The following SMARCA5 variants were observed in gnomAD, a reference collection of about 807,000 sequenced individuals.
SMARCA5 encodes SNF2 related chromatin remodeling ATPase 5.
Under a neutral mutation model 140.4 loss-of-function variants are expected in SMARCA5, and 18 were observed. The ratio of observed to expected loss-of-function variants is 0.13; its 90% CI spans 0.09 to 0.19. The LOEUF is 0.19. SMARCA5 is among the 10% of genes least tolerant of loss of function. The pLI is 1.00. For missense variants in SMARCA5, 606 were observed against 1,276.8 expected (o/e 0.47, Z 8.01); for synonymous variants, 449 against 419.6 (o/e 1.07, Z -0.86).
At chr4:143,518,090 A>G (rs530258496) in intron 2 of SMARCA5, among the ~76,000 whole-genome samples, 1 of 152,212 alleles carries the variant, frequency 6.6e-6, no homozygotes, top group South Asian at 2.1e-4. Flanking sequence ...CTAGCATTGT[A>G]CTCTGCTAGT....
Position 143,553,361 on chromosome 4 carries a change from C to G in SMARCA5, c.*177C>G, listed in dbSNP as rs1307481871. 1 of 495,384 alleles carries G rather than the reference C, an allele frequency of 2.0e-6. No individual in the cohort carries two copies. Among genetic ancestry groups the G allele is most frequent in the East Asian group, 3.1e-5 (1 of 32,328 alleles). 30.7% of individuals were successfully genotyped at this position (495,384 alleles called of 1,614,324 possible). On this transcript the variant is annotated 3_prime_UTR_variant, in exon 24 of 24. Transcript: ENST00000283131. The stretch of plus-strand genomic sequence containing the variant: ...CACTTTTTTAAATGCAACAGCTGTG[C>G]TGAAATTTTTTTATCATTAACACTT...
rs756931495 is a variant in SMARCA5, at chr4:143,513,874, C to T, written c.-51C>T. On this transcript the variant is annotated 5_prime_UTR_variant, in exon 1 of 24. Coordinates refer to ENST00000283131, the MANE Select transcript of SMARCA5 (RefSeq NM_003601.4). ...TCCAGGCCTAGGCCTCCCCGTCCAT[C>T]CCCGCCGGACTCGGGCCTCTGGCAG... 16 of 1,524,464 alleles carry T rather than the reference C, an allele frequency of 1.0e-5. No individual in the cohort carries two copies. Among genetic ancestry groups the T allele is most frequent in the Non-Finnish European group, 1.4e-5 (16 of 1,140,682 alleles). The allele number at this position is 1,524,464 out of a possible 1,614,324, so 94.4% of individuals were successfully genotyped here.
chr4:143,552,688 C>T (rs1578807927), intron 23 of SMARCA5, among the ~76,000 whole-genome samples: 1 of 151,906 alleles, frequency 6.6e-6, no homozygotes, highest in East Asian at 1.9e-4. Flanking sequence ...TGAAGGCAAA[C>T]ACTTAAAGGG....
At chr4:143,545,047 A>G (rs1190208706) in intron 17 of SMARCA5, among the ~76,000 whole-genome samples, 200 bp downstream of exon 17, 1 of 150,610 alleles carries the variant, frequency 6.6e-6, no homozygotes, top group Non-Finnish European at 1.5e-5. Context: ...GGTTCAAGCA[A>G]TTCTCCTGCC....
At chr4:143,549,182 A>G (rs1737590894) in intron 22 of SMARCA5, among the ~76,000 whole-genome samples, 2 of 152,082 alleles carry the variant, frequency 1.3e-5, no homozygotes, top group Non-Finnish European at 2.9e-5. Flanking sequence ...GTTACTTCTT[A>G]ACATGTTCCA....
At chr4:143,520,949 T>G (rs1736944970) in intron 2 of SMARCA5, among the ~76,000 whole-genome samples, 1 of 152,234 alleles carries the variant, frequency 6.6e-6, no homozygotes, top group African/African-American at 2.4e-5. Flanking sequence ...GAGCACTGCA[T>G]TTTTTCCAGC....
At chr4:143,549,926 C>G in intron 22 of SMARCA5, 71 bp from the exon 23 acceptor site, 3 of 776,556 alleles carry the variant, frequency 3.9e-6, no homozygotes, top group Non-Finnish European at 6.4e-6. Flanking sequence ...TTAAAACATA[C>G]CTTGTTTTAA....
chr4:143,513,830 A>G lies in SMARCA5; in HGVS notation c.-95A>G, dbSNP rs1039286719. The G allele has an allele frequency of 2.9e-6, 4 of 1,377,776 alleles. No individual in the cohort carries two copies. Among genetic ancestry groups the G allele is most frequent in the Non-Finnish European group, 3.9e-6 (4 of 1,026,002 alleles). The allele number at this position is 1,377,776 out of a possible 1,614,324, so 85.3% of individuals were successfully genotyped here. A position where few individuals can be genotyped will look rare whatever the true frequency, so the allele number is the denominator to read the frequency against. ...CGGGTGGGAGTCTCGCTCCTCCACC[A>G]GTTTATTGCGACGTAGCATCCAGGC... is the stretch of plus-strand genomic sequence containing the variant. On this transcript the variant is annotated 5_prime_UTR_variant, in exon 1 of 24. Coordinates refer to ENST00000283131, the MANE Select transcript of SMARCA5 (RefSeq NM_003601.4).
intron 15 of SMARCA5, 22 bp downstream of exon 15, chr4:143,543,679 G>A (rs1737471751): frequency 6.3e-7 from 1 of 1,582,318 alleles, no homozygotes; most frequent in Non-Finnish European, 8.7e-7. Context: ...ATTAAATAAT[G>A]CTTTTAATAT....
intron 18 of SMARCA5, 149 bp from the exon 19 acceptor site, chr4:143,545,776 C>A: frequency 1.2e-6 from 1 of 858,878 alleles, no homozygotes; most frequent in Non-Finnish European, 1.9e-6. Context: ...ACTTCATGAC[C>A]AATCTGGTTT....
chr4:143,526,356 A>G lies in SMARCA5; in HGVS notation c.697A>G (p.Met233Val), dbSNP rs766568120. Residue 233 changes from methionine (M) to valine (V), a missense_variant, in exon 6 of 24, where the codon ATG becomes GTG. Physicochemically the swap from Met to Val is conservative, Grantham distance 21. Around this residue, in one of 10 missense-constraint regions of SMARCA5, gnomAD observed 110 missense variants for 287.7 expected, o/e 0.38. Coordinates refer to ENST00000283131, the MANE Select transcript of SMARCA5 (RefSeq NM_003601.4). ...TTATAGAAACATTCCTGGGCCTCAT[A>G]TGGTTTTGGTTCCTAAGTCTACATT... ...KHYRNIPGPH[M>V]VLVPKSTLHN... 2 of 1,613,834 alleles carry G rather than the reference A, an allele frequency of 1.2e-6. No homozygotes were observed. Among genetic ancestry groups the G allele is most frequent in the South Asian group, 2.2e-5 (2 of 91,076 alleles).
At chr4:143,536,267 C>T (rs955848338) in intron 10 of SMARCA5, among the ~76,000 whole-genome samples, 185 bp from the exon 11 acceptor site, 1 of 151,868 alleles carries the variant, frequency 6.6e-6, no homozygotes, top group South Asian at 2.1e-4. Context: ...ATGCTATGGA[C>T]AGTAAAGAAA....
chr4:143,517,716 C>G (rs2149815973), intron 2 of SMARCA5, among the ~76,000 whole-genome samples: 1 of 152,268 alleles, frequency 6.6e-6, no homozygotes, highest in East Asian at 1.9e-4. Flanking sequence ...TGGTGATAAC[C>G]TCCTCCTGAG....
Position 143,546,836 on chromosome 4 carries a change from G to A in SMARCA5, c.2581G>A (p.Gly861Ser). ...GTTTATCAAAGCTAATGAGAAGTGG[G>A]GTCGTGATGATATTGAAAATATAGC... is the stretch of plus-strand genomic sequence containing the variant. ...NQFIKANEKW[G>S]RDDIENIARE... Residue 861 changes from glycine (G) to serine (S), a missense_variant, in exon 20 of 24, where the codon GGT (glycine) becomes AGT (serine). By Grantham distance (56) the Gly-to-Ser change is moderately conservative. Coordinates refer to ENST00000283131, the MANE Select transcript of SMARCA5 (RefSeq NM_003601.4). 1 of 1,611,868 alleles carries A rather than the reference G, an allele frequency of 6.2e-7. No homozygotes were observed. Among genetic ancestry groups the A allele is most frequent in the Non-Finnish European group, 8.5e-7 (1 of 1,178,318 alleles).
At chr4:143,519,278 C>T (rs910785983) in intron 2 of SMARCA5, among the ~76,000 whole-genome samples, 4 of 152,074 alleles carry the variant, frequency 2.6e-5, no homozygotes, top group African/African-American at 9.7e-5. Flanking sequence ...CAGGTATACT[C>T]AAGATGTTCA....
chr4:143,532,664 G>T (rs971106677), intron 9 of SMARCA5, among the ~76,000 whole-genome samples: 2 of 152,116 alleles, frequency 1.3e-5, no homozygotes, highest in Non-Finnish European at 2.9e-5. Flanking sequence ...TGCTGCAAAA[G>T]AACCCCTTAT....
At chr4:143,524,610 AT>A (rs1314613448) in intron 4 of SMARCA5, 143 bp downstream of exon 4, 2 of 593,780 alleles carry the variant, frequency 3.4e-6, no homozygotes, top group Non-Finnish European at 6.1e-6. Flanking sequence ...TAAACTTCAG[AT>A]TTTGATGGAG....
chr4:143,530,355 C>A, intron 8 of SMARCA5, 103 bp from the exon 9 acceptor site: 1 of 665,630 alleles, frequency 1.5e-6, no homozygotes, highest in Non-Finnish European at 2.4e-6. Flanking sequence ...TTGTGGGTTA[C>A]AATTCAAATT....
chr4:143,545,807 A>T, intron 18 of SMARCA5, 118 bp from the exon 19 acceptor site: 1 of 961,326 alleles, frequency 1.0e-6, no homozygotes, highest in Non-Finnish European at 1.6e-6. Context: ...TAATACATGC[A>T]ATGTATCAGT....
Sources: allele counts gnomAD v4.1 joint callset (sites outside exome capture counted in the v4.1 genomes callset), GRCh38; gene constraint gnomAD v4.1.1; regional missense constraint gnomAD v4.1.1; transcripts MANE v1.5; gene names NCBI Gene and HGNC (gene_info 2026-07-23, HGNC 2026-07-21).